PRAMEF17: variants seen among roughly 807,000 people sequenced by gnomAD.
The protein encoded by PRAMEF17 is PRAME family member 17.
PRAMEF17 carries 48 observed loss-of-function variants against 36.8 expected under a neutral mutation model. The ratio of observed to expected loss-of-function variants is 1.30; its 90% CI spans 1.03 to 1.66. The LOEUF (loss-of-function observed/expected upper bound fraction) is 1.66. Among genes scored for constraint, PRAMEF17 ranks in the 40% most tolerant of loss-of-function variants. PRAMEF17 has a pLI of 0.00. For missense variants in PRAMEF17, 639 were observed against 560.6 expected, an observed-to-expected ratio of 1.14 and a Z score of -1.41; for synonymous variants, 246 against 220.4, an observed-to-expected ratio of 1.12 and a Z score of -1.03.
intron 1 of PRAMEF17, 73 bp downstream of exon 1, chr1:13,390,017 G>A (rs1640858792): frequency 6.2e-7 from 1 of 1,607,300 alleles, no homozygotes; most frequent in Non-Finnish European, 8.5e-7. Flanking sequence ...CAGGAGGAGT[G>A]GTGGGGTTGG....
Position 13,390,684 on chromosome 1 carries a change from G to C in PRAMEF17, c.631G>C (p.Glu211Gln). The C allele has an allele frequency of 6.2e-7, 1 of 1,611,996 alleles. No homozygotes were observed. The highest frequency in any genetic ancestry group is 8.5e-7 in the Non-Finnish European group (1 of 1,179,846). The change falls in exon 2 of 3, where the codon GAA becomes CAA. Residue 211 changes from glutamate to glutamine, a missense_variant. Physicochemically the swap from Glu to Gln is conservative, Grantham distance 29 (BLOSUM62 2). Coordinates refer to ENST00000376098, the MANE Select transcript of PRAMEF17 (RefSeq NM_001099851.3). ...ATACCCAGACAGTATCCAGGAGTTG[G>C]AAATTAAGAGAAAGTGCTCTCTGAA... ...RVYPDSIQELEIKRKCSLNKT... is the reference protein window; with the variant it reads ...RVYPDSIQELQIKRKCSLNKT...
chr1:13,390,028 G>C, intron 1 of PRAMEF17, 84 bp downstream of exon 1: 3 of 1,598,984 alleles, frequency 1.9e-6, no homozygotes, highest in Non-Finnish European at 2.6e-6. Context: ...GTGGGGTTGG[G>C]GAGCTAGGGT....
intron 1 of PRAMEF17, 102 bp from the exon 2 acceptor site, chr1:13,390,239 A>G (rs1640861344): frequency 3.2e-6 from 5 of 1,559,514 alleles, no homozygotes; most frequent in Non-Finnish European, 4.4e-6. Context: ...AGGAGCACTG[A>G]GGACAGGAGC....
intron 1 of PRAMEF17, 31 bp downstream of exon 1, chr1:13,389,975 G>T (rs1640858366): frequency 6.2e-7 from 1 of 1,612,160 alleles, no homozygotes; most frequent in African/African-American, 1.3e-5. Flanking sequence ...TGGTGGGAAG[G>T]GTCCAGGCAT....
rs1640892109 is a variant in PRAMEF17, at chr1:13,392,053, C to T, written c.976C>T (p.His326Tyr). The T allele has an allele frequency of 6.2e-7, 1 of 1,611,750 alleles. No individual in the cohort carries two copies. The highest frequency in any genetic ancestry group is 1.1e-5 in the South Asian group (1 of 90,980). The change falls in exon 3 of 3, where the codon CAT becomes TAT. Residue 326 changes from histidine (H) to tyrosine (Y), a missense_variant. Coordinates refer to ENST00000376098, the MANE Select transcript of PRAMEF17 (RefSeq NM_001099851.3). ...YPSLSQLKEL[H>Y]LIHILMWTTN... ...AAGCCTCAGTCAGCTAAAGGAGCTG[C>T]ATCTGATTCATATCCTAATGTGGAC...
Position 13,392,473 on chromosome 1 carries a change from G to C in PRAMEF17, c.1396G>C (p.Glu466Gln), listed in dbSNP as rs781535716. ...CCCTTCCTGTGGCTCATGGCCATCT[G>C]AGAAAGTGGACTTCCATCTTTGCTC... ...PCPSCGSWPSEKVDFHLCS is the reference protein window; with the variant it reads ...PCPSCGSWPSQKVDFHLCS Residue 466 changes from glutamate (E) to glutamine (Q), a missense_variant, in exon 3 of 3, where the codon GAG (glutamate) becomes CAG (glutamine). By Grantham distance (29) the Glu-to-Gln change is conservative. Coordinates refer to ENST00000376098, the MANE Select transcript of PRAMEF17 (RefSeq NM_001099851.3). The C allele has an allele frequency of 3.4e-4, 553 of 1,611,918 alleles. No individual in the cohort carries two copies. Among genetic ancestry groups the C allele is most frequent in the Non-Finnish European group, 3.8e-4 (452 of 1,179,874 alleles).
chr1:13,390,432 G>A lies in PRAMEF17; in HGVS notation c.379G>A (p.Glu127Lys), dbSNP rs769736204. The A allele has an allele frequency of 2.5e-6, 4 of 1,612,010 alleles. No homozygotes were observed. The South Asian group carries it at 4.4e-5, about 18-fold the overall frequency. ...SGARALSCSP[E>K]AMSKRQTVED... Reference sequence around the variant, plus strand: ...AGCCAGGGCCCTCTCCTGCTCCCCAGAGGCCATGAGTAAGAGGCAGACAGT... The same window carrying A: ...AGCCAGGGCCCTCTCCTGCTCCCCAAAGGCCATGAGTAAGAGGCAGACAGT... Residue 127 changes from glutamate to lysine, a missense_variant, in exon 2 of 3, where the codon GAG becomes AAG. By Grantham distance (56) the Glu-to-Lys change is moderately conservative (BLOSUM62 1). Transcript: ENST00000376098.
Position 13,389,962 on chromosome 1 carries a change from G to T in PRAMEF17, c.287+18G>T. On this transcript the variant is annotated intron_variant, in intron 1 of 2. Coordinates refer to ENST00000376098, the MANE Select transcript of PRAMEF17 (RefSeq NM_001099851.3). ...CGCCCCAGGTGAGGTGACTCAGGTG[G>T]CCTGGTGGGAAGGGTCCAGGCATCC... The T allele has an allele frequency of 1.2e-6, 2 of 1,612,290 alleles. No homozygotes were observed. Among genetic ancestry groups the T allele is most frequent in the Non-Finnish European group, 1.7e-6 (2 of 1,180,010 alleles).
chr1:13,391,448 G>A (rs1214274342), intron 2 of PRAMEF17, among the ~76,000 whole-genome samples: 1 of 152,176 alleles, frequency 6.6e-6, no homozygotes, highest in Non-Finnish European at 1.5e-5. Context: ...AGGTGAGGGA[G>A]TAGGCAGGAG....
In PRAMEF17 at chr1:13,390,757, G is replaced by A. The variant is rs1395825584; in HGVS notation, c.704G>A (p.Arg235His). 2.7e-5 allele frequency: 43 copies of A among 1,611,856 alleles called. No individual in the cohort carries two copies. The highest frequency in any genetic ancestry group is 9.9e-5 in the South Asian group (9 of 90,990). Residue 235 changes from arginine to histidine, a missense_variant, in exon 2 of 3, where the codon CGC becomes CAC. Physicochemically the swap from Arg to His is conservative, Grantham distance 29 (BLOSUM62 0). Coordinates refer to ENST00000376098, the MANE Select transcript of PRAMEF17 (RefSeq NM_001099851.3). Reference protein sequence around the residue: ...APYLSQMSNLRKLFLAFGYDD... With the variant: ...APYLSQMSNLHKLFLAFGYDD... ...TACTTGAGCCAGATGAGCAATCTTC[G>A]CAAACTCTTTTTAGCCTTCGGTTAT...
chr1:13,390,947 C>A (rs1640872594), intron 2 of PRAMEF17, 28 bp downstream of exon 2: 9 of 1,611,786 alleles, frequency 5.6e-6, no homozygotes, highest in Middle Eastern at 2.3e-4. Flanking sequence ...GCTTTCTCTG[C>A]AGACCATACC....
chr1:13,389,938 G>A lies in PRAMEF17; in HGVS notation c.281G>A (p.Arg94His), dbSNP rs912138295. The stretch of plus-strand genomic sequence containing the variant: ...GATACACTGCTGGCCCAGAAGCTTC[G>A]CCCCAGGTGAGGTGACTCAGGTGGC... ...GLDTLLAQKL[R>H]PRRWKLQVLD... Residue 94 changes from arginine to histidine, a missense_variant, in exon 1 of 3, where the codon CGC becomes CAC. Transcript: ENST00000376098. 1,600 of 1,612,540 alleles carry A rather than the reference G, an allele frequency of 9.9e-4. 15 individuals carry two copies. In the South Asian group the frequency reaches 0.011, roughly 12 times the overall value.
Position 13,392,271 on chromosome 1 carries a change from G to A in PRAMEF17, c.1194G>A (p.Leu398=), listed in dbSNP as rs1413474385. The change falls in exon 3 of 3, where the codon CTG becomes CTA. Residue 398 remains leucine (L), a synonymous_variant. Transcript: ENST00000376098. ...ETSTNALKDL[L]CHTGGLSKLG... ...CCACGAATGCTCTGAAAGACCTGCTGTGTCACACAGGTGGGCTGAGCAAGT... is the reference window on the plus strand; with the variant it reads ...CCACGAATGCTCTGAAAGACCTGCTATGTCACACAGGTGGGCTGAGCAAGT... 2.5e-6 allele frequency: 4 copies of A among 1,611,896 alleles called. No individual in the cohort carries two copies. Among genetic ancestry groups the A allele is most frequent in the Non-Finnish European group, 3.4e-6 (4 of 1,179,864 alleles).
chr1:13,392,145 A>G lies in PRAMEF17; in HGVS notation c.1068A>G (p.Leu356=). Residue 356 remains leucine (L), a synonymous_variant, in exon 3 of 3, where the codon TTA becomes TTG. Coordinates refer to ENST00000376098, the MANE Select transcript of PRAMEF17 (RefSeq NM_001099851.3). ...KVAATLEILT[L]KDCQIQDSQL... ...CTGCTACTCTCGAGATCCTCACGTTAAAGGACTGTCAGATCCAGGACTCCC... is the reference window on the plus strand; with the variant it reads ...CTGCTACTCTCGAGATCCTCACGTTGAAGGACTGTCAGATCCAGGACTCCC... 2.5e-6 allele frequency: 4 copies of G among 1,611,914 alleles called. No homozygotes were observed. The highest frequency in any genetic ancestry group is 3.4e-6 in the Non-Finnish European group (4 of 1,179,824).
chr1:13,390,600 A>G lies in PRAMEF17; in HGVS notation c.547A>G (p.Asn183Asp). The G allele has an allele frequency of 6.2e-7, 1 of 1,612,018 alleles. No individual in the cohort carries two copies. Among genetic ancestry groups the G allele is most frequent in the Non-Finnish European group, 8.5e-7 (1 of 1,179,864 alleles). Reference protein sequence around the residue: ...YRRGLVHLCCNKVQNYSMPTS... With the variant: ...YRRGLVHLCCDKVQNYSMPTS... ...AAGAGGTCTAGTGCACCTGTGTTGT[A>G]ATAAGGTGCAGAATTACTCAATGCC... is the stretch of plus-strand genomic sequence containing the variant. Residue 183 changes from asparagine (N) to aspartate (D), a missense_variant, in exon 2 of 3, where the codon AAT (asparagine) becomes GAT (aspartate). Asn to Asp is a conservative substitution (Grantham distance 23). Coordinates refer to ENST00000376098, the MANE Select transcript of PRAMEF17 (RefSeq NM_001099851.3).
Position 13,392,581 on chromosome 1 carries a change from T to C in PRAMEF17, c.*79T>C, listed in dbSNP as rs968523254. The C allele has an allele frequency of 1.9e-6, 3 of 1,568,274 alleles. No individual in the cohort carries two copies. The highest frequency in any genetic ancestry group is 2.6e-6 in the Non-Finnish European group (3 of 1,160,876). ...AAATCTAGGACACAGGTGGGTTTTTTTGTTTTTTTGTTTTTTTTTTGATGG... is the reference window on the plus strand; with the variant it reads ...AAATCTAGGACACAGGTGGGTTTTTCTGTTTTTTTGTTTTTTTTTTGATGG... On this transcript the variant is annotated 3_prime_UTR_variant, in exon 3 of 3. Transcript: ENST00000376098.
At position 13,391,943 on chromosome 1, in the gene PRAMEF17, G is replaced by A. The variant is rs1640890018; in HGVS notation, c.867-1G>A. ...CATAACTAATTTCTTGCTCTCCCCA[G>A]GTGCCTCAAGAACCCCTTGGGAACC... On this transcript the variant is annotated splice_acceptor_variant, in intron 2 of 2. Transcript: ENST00000376098. LOFTEE classifies it high-confidence loss of function. 4 of 1,610,524 alleles carry A rather than the reference G, an allele frequency of 2.5e-6. No individual in the cohort carries two copies. In the Admixed American group the frequency reaches 5.0e-5, roughly 20 times the overall value.
rs1640894256 is a variant in PRAMEF17, at chr1:13,392,177, G to C, written c.1100G>C (p.Arg367Thr). 1.2e-6 allele frequency: 2 copies of C among 1,611,936 alleles called. No homozygotes were observed. Among genetic ancestry groups the C allele is most frequent in the Non-Finnish European group, 1.7e-6 (2 of 1,179,816 alleles). Residue 367 changes from arginine to threonine, a missense_variant, in exon 3 of 3, where the codon AGG becomes ACG. Physicochemically the swap from Arg to Thr is moderately conservative, Grantham distance 71. Coordinates refer to ENST00000376098, the MANE Select transcript of PRAMEF17 (RefSeq NM_001099851.3). ...KDCQIQDSQL[R>T]VLLPALSRCS... Reference sequence around the variant, plus strand: ...TGTCAGATCCAGGACTCCCAGCTCAGGGTCCTCCTGCCTGCCCTGAGCCGC... The same window carrying C: ...TGTCAGATCCAGGACTCCCAGCTCACGGTCCTCCTGCCTGCCCTGAGCCGC...
At chr1:13,391,580 T>G (rs1462004179) in intron 2 of PRAMEF17, among the ~76,000 whole-genome samples, 2 of 152,164 alleles carry the variant, frequency 1.3e-5, no homozygotes, top group Non-Finnish European at 2.9e-5. Context: ...CTTCTCCCAC[T>G]GGGCTCCTCT....
Sources: gnomAD v4.1 joint callset for allele counts (sites outside exome capture counted in the v4.1 genomes callset) on GRCh38, gnomAD v4.1.1 for gene constraint, MANE v1.5 for transcripts, NCBI Gene and HGNC (gene_info 2026-07-23, HGNC 2026-07-21) for gene names.